The following ZNF385B variants were observed in gnomAD, a reference collection of about 807,000 sequenced individuals.
ZNF385B encodes the protein zinc finger protein 533.
A neutral mutation model predicts 39.2 loss-of-function variants in ZNF385B; 23 were observed. The observed-to-expected ratio is 0.59, with a 90% CI of 0.42 to 0.83. The LOEUF is 0.83. ZNF385B is among the 40% of genes least tolerant of loss of function. ZNF385B has a pLI of 0.00. For missense variants in ZNF385B, 552 were observed against 598.9 expected, an observed-to-expected ratio of 0.92 and a Z score of 0.82; for synonymous variants, 205 against 222.6, an observed-to-expected ratio of 0.92 and a Z score of 0.70.
intron 3 of ZNF385B, among the ~76,000 whole-genome samples, chr2:179,560,966 G>A (rs887434380): frequency 6.6e-6 from 1 of 152,102 alleles, no homozygotes; most frequent in African/African-American, 2.4e-5. Context: ...CTCCCACGAC[G>A]GTATCTGCCA....
chr2:179,509,246 A>G (rs2057482492), intron 5 of ZNF385B, among the ~76,000 whole-genome samples: 1 of 151,984 alleles, frequency 6.6e-6, no homozygotes, highest in East Asian at 1.9e-4. Context: ...TTTTTCATTG[A>G]TAAGTTTAAT....
intron 1 of ZNF385B, among the ~76,000 whole-genome samples, chr2:179,833,340 G>GAT (rs1708081589): frequency 3.9e-5 from 6 of 152,022 alleles, no homozygotes; most frequent in South Asian, 4.1e-4. Context: ...AGATGTGGTA[G>GAT]CTAGAAAAAC....
intron 1 of ZNF385B, among the ~76,000 whole-genome samples, chr2:179,797,946 G>C (rs1295597770): frequency 6.6e-6 from 1 of 152,026 alleles, no homozygotes; most frequent in Admixed American, 6.6e-5. Context: ...AGAAAATCCT[G>C]TCATCAATTC....
rs1574152177 is a variant in ZNF385B at position 179,444,863 on chromosome 2, G to A, written c.1242+13C>T. On this transcript the variant is annotated intron_variant, in intron 9 of 9. Transcript: ENST00000410066. ...TGCCCCACAAAACAGGTGAGCAGGT[G>A]AGGTAAACTTACTGCTAGAATACTC... The A allele has an allele frequency of 6.2e-7, 1 of 1,607,282 alleles. No individual in the cohort carries two copies. The highest frequency in any genetic ancestry group is 8.5e-7 in the Non-Finnish European group (1 of 1,173,824).
intron 3 of ZNF385B, among the ~76,000 whole-genome samples, chr2:179,628,088 T>C (rs1690838395): frequency 6.6e-6 from 1 of 152,184 alleles, no homozygotes; most frequent in African/African-American, 2.4e-5. Flanking sequence ...AGACATTATA[T>C]CATTTTATTT....
intron 3 of ZNF385B, among the ~76,000 whole-genome samples, chr2:179,637,884 A>T (rs1194603409): frequency 6.6e-6 from 1 of 152,250 alleles, no homozygotes; most frequent in Non-Finnish European, 1.5e-5. Flanking sequence ...AGTACAAGTA[A>T]GAAAAATATT....
At chr2:179,730,422 C>T (rs571871506) in intron 3 of ZNF385B, among the ~76,000 whole-genome samples, 2 of 152,276 alleles carry the variant, frequency 1.3e-5, no homozygotes, top group East Asian at 3.9e-4. Flanking sequence ...TGACTTCTTA[C>T]GTTCTATCTC....
intron 1 of ZNF385B, among the ~76,000 whole-genome samples, chr2:179,789,167 C>T (rs76733109): frequency 6.6e-6 from 1 of 151,966 alleles, no homozygotes; most frequent in South Asian, 2.1e-4. Context: ...AAAAAAAACC[C>T]TGGAAAATAG....
chr2:179,520,247 C>T (rs2058387377), intron 4 of ZNF385B, among the ~76,000 whole-genome samples: 1 of 151,842 alleles, frequency 6.6e-6, no homozygotes, highest in East Asian at 1.9e-4. Context: ...CAAATCTATA[C>T]ATATATTAAA....
At chr2:179,489,873 G>A (rs951684165) in intron 5 of ZNF385B, among the ~76,000 whole-genome samples, 2 of 152,188 alleles carry the variant, frequency 1.3e-5, no homozygotes, top group Admixed American at 1.3e-4. Flanking sequence ...ACAAAGTCCA[G>A]ACAAAATTAT....
At chr2:179,652,968 T>G (rs1693339956) in intron 3 of ZNF385B, among the ~76,000 whole-genome samples, 1 of 152,196 alleles carries the variant, frequency 6.6e-6, no homozygotes, top group Non-Finnish European at 1.5e-5. Flanking sequence ...CAGGGTTCTT[T>G]CCTGCTTCGT....
chr2:179,838,936 G>GA (rs1708401291), intron 1 of ZNF385B, among the ~76,000 whole-genome samples: 2 of 148,380 alleles, frequency 1.3e-5, no homozygotes. Flanking sequence ...AAAGGGGGGG[G>GA]GGCATTTTGC....
intron 3 of ZNF385B, among the ~76,000 whole-genome samples, chr2:179,575,496 C>T (rs1287735160): frequency 2.0e-5 from 3 of 152,078 alleles, no homozygotes; most frequent in Non-Finnish European, 4.4e-5. Context: ...AAGCAGAAGT[C>T]GAAATGCTAT....
At chr2:179,444,035 G>A (rs529835197) in intron 9 of ZNF385B, among the ~76,000 whole-genome samples, 2 of 152,220 alleles carry the variant, frequency 1.3e-5, no homozygotes, top group African/African-American at 2.4e-5. Flanking sequence ...GAGAATGATT[G>A]TAAGTGGGTA....
At chr2:179,582,950 A>G (rs1686700884) in intron 3 of ZNF385B, among the ~76,000 whole-genome samples, 1 of 152,152 alleles carries the variant, frequency 6.6e-6, no homozygotes, top group Admixed American at 6.6e-5. Flanking sequence ...CCTGGGTTCA[A>G]GCGATTCTCC....
intron 7 of ZNF385B, 41 bp from the exon 8 acceptor site, chr2:179,445,769 A>G (rs770549862): frequency 1.3e-6 from 2 of 1,529,364 alleles, no homozygotes; most frequent in Non-Finnish European, 1.8e-6. Context: ...CTATCCAAGA[A>G]TTATATAAAG....
chr2:179,529,764 A>G (rs1001970564), intron 4 of ZNF385B, among the ~76,000 whole-genome samples: 6 of 152,180 alleles, frequency 3.9e-5, no homozygotes, highest in Admixed American at 3.9e-4. Flanking sequence ...ATATATTCAT[A>G]TTTAAACAGC....
rs769159117 is a variant in ZNF385B at position 179,443,360 on chromosome 2, G to A, written c.1351C>T (p.Arg451Trp). 31 of 1,612,200 alleles carry A rather than the reference G, an allele frequency of 1.9e-5. No homozygotes were observed. In the South Asian group the frequency reaches 2.9e-4, roughly 15 times the overall value. ...AVSSALSLPP[R>W]PSASLFQAPA... Reference sequence around the variant, plus strand: ...GCCTGGAAGAGCGAGGCAGAGGGCCGGGGTGGGAGTGACAGCGCTGAGGAC... The same window carrying A: ...GCCTGGAAGAGCGAGGCAGAGGGCCAGGGTGGGAGTGACAGCGCTGAGGAC... The change falls in exon 10 of 10, where the codon CGG (arginine) becomes TGG (tryptophan). Residue 451 changes from arginine (R) to tryptophan (W), a missense_variant. Arg to Trp is a moderately radical substitution (Grantham distance 101). Coordinates refer to ENST00000410066, the MANE Select transcript of ZNF385B (RefSeq NM_152520.6).
intron 3 of ZNF385B, among the ~76,000 whole-genome samples, chr2:179,735,218 A>G (rs1461139486): frequency 7.3e-5 from 11 of 150,584 alleles, no homozygotes; most frequent in Admixed American, 1.3e-4. Context: ...AAAAGTGGGC[A>G]AAGGACATGA....
Sources: allele counts gnomAD v4.1 joint callset (sites outside exome capture counted in the v4.1 genomes callset), GRCh38; gene constraint gnomAD v4.1.1; transcripts MANE v1.5; gene names NCBI Gene and HGNC (gene_info 2026-07-23, HGNC 2026-07-21).